Variants in NR2C2 observed in about 807,000 individuals in gnomAD.
The protein encoded by NR2C2 is nuclear receptor subfamily 2 group C member 2.
NR2C2 carries 6 observed loss-of-function variants against 62.9 expected under a neutral mutation model. That is an observed-to-expected ratio of 0.10 (90% CI 0.05 to 0.19). The LOEUF is 0.19. Ranked by LOEUF, NR2C2 falls within the 10% of genes least tolerant of loss-of-function variation. NR2C2 has a pLI of 1.00. For synonymous variants in NR2C2, 272 were observed against 273.8 expected (o/e 0.99, Z 0.07); for missense variants, 479 against 762.7 (o/e 0.63, Z 4.38).
At position 15,033,943 on chromosome 3, in the gene NR2C2, A is replaced by G. The variant is rs561006186; in HGVS notation, c.1233-727A>G. On this transcript the variant is annotated intron_variant, in intron 10 of 13. Transcript: ENST00000425241. ...CATCTGGGGCATTTGGGAATGACCC[A>G]GTGCAGTAGCCCTGGTTCTCACTGC... Among the ~76,000 whole-genome samples, 28 of 152,352 alleles carry G rather than the reference A, an allele frequency of 1.8e-4. No homozygotes were observed. The South Asian group carries it at 5.8e-3, about 32-fold the overall frequency.
At chr3:15,037,223 G>GTA (rs974506089) in intron 11 of NR2C2, among the ~76,000 whole-genome samples, 3 of 151,222 alleles carry the variant, frequency 2.0e-5, no homozygotes, top group Non-Finnish European at 4.4e-5. Flanking sequence ...GTGTGTGTGT[G>GTA]TGTGTGTGTG....
At chr3:14,959,277 A>G (rs1001447994) in intron 1 of NR2C2, 1 of 152,060 alleles carries the variant, frequency 6.6e-6, no homozygotes, top group Non-Finnish European at 1.5e-5. Context: ...ACTTCCTTAC[A>G]TTACTTGAAG....
chr3:15,037,535 T>G (rs142821175), intron 11 of NR2C2, among the ~76,000 whole-genome samples: 16 of 152,182 alleles, frequency 1.1e-4, no homozygotes, highest in Admixed American at 7.2e-4. Flanking sequence ...CTTGAGCTTA[T>G]GAATTCAAGT....
intron 1 of NR2C2, among the ~76,000 whole-genome samples, chr3:14,977,665 CAT>C (rs1458762068): frequency 6.6e-6 from 1 of 151,894 alleles, no homozygotes; most frequent in Non-Finnish European, 1.5e-5. Flanking sequence ...ATTGTTGGTC[CAT>C]ATTTAAGAGT....
chr3:14,993,885 A>G (rs1006400173), intron 1 of NR2C2, among the ~76,000 whole-genome samples: 1 of 152,330 alleles, frequency 6.6e-6, no homozygotes, highest in Middle Eastern at 3.4e-3. Flanking sequence ...GGAAGCCAAA[A>G]TCCAGGGAGT....
rs948117387 is a variant in NR2C2, at chr3:15,029,792, A to C, written c.933-483A>C. On this transcript the variant is annotated intron_variant, in intron 8 of 13. Transcript: ENST00000425241. ...CCCATCTCTGAAAAAGTAAATAAAT[A>C]ATAGATAGATAGATAGATAGATAGA... 3.6e-5 allele frequency among the ~76,000 whole-genome samples: 5 copies of C among 139,304 alleles called. 1 individual carries two copies. The South Asian group carries it at 1.2e-3, about 32-fold the overall frequency. 91.4% of individuals were successfully genotyped at this position (139,304 alleles called of 152,430 possible). A position where few individuals can be genotyped will look rare whatever the true frequency, so the allele number is the denominator to read the frequency against.
intron 4 of NR2C2, among the ~76,000 whole-genome samples, chr3:15,019,957 C>G (rs1164501842): frequency 6.6e-6 from 1 of 152,144 alleles, no homozygotes; most frequent in African/African-American, 2.4e-5. Flanking sequence ...GATGGTCACT[C>G]TATCTGATTT....
At chr3:14,991,045 G>A (rs374366363) in intron 1 of NR2C2, among the ~76,000 whole-genome samples, 1 of 152,164 alleles carries the variant, frequency 6.6e-6, no homozygotes, top group East Asian at 1.9e-4. Flanking sequence ...TAATTGTGGG[G>A]AGTGGTTGTT....
At chr3:14,977,908 C>T (rs2040252183) in intron 1 of NR2C2, among the ~76,000 whole-genome samples, 2 of 148,262 alleles carry the variant, frequency 1.3e-5, no homozygotes, top group Admixed American at 6.8e-5. Flanking sequence ...GAGATTGTAC[C>T]ACTGCACTCC....
chr3:15,023,526 C>T (rs2041735377), intron 6 of NR2C2, among the ~76,000 whole-genome samples, 179 bp downstream of exon 6: 1 of 152,158 alleles, frequency 6.6e-6, no homozygotes, highest in Non-Finnish European at 1.5e-5. Context: ...CCTGAGGATG[C>T]CTGATTTATG....
rs954141810 is a variant in NR2C2, at chr3:15,044,861, G to A, written c.*1853G>A. ...GAAGGGTTAGCAGCACTTTACGCAA[G>A]TCAGTGTTAGTAGGGTAAGTGGGAA... On this transcript the variant is annotated 3_prime_UTR_variant, in exon 14 of 14. Transcript: ENST00000425241. 3.3e-5 allele frequency: 5 copies of A among 152,368 alleles called. 1 individual carries two copies. The highest frequency in any genetic ancestry group is 7.3e-5 in the Non-Finnish European group (5 of 68,038). 9.4% of individuals were successfully genotyped at this position (152,368 alleles called of 1,614,324 possible).
intron 2 of NR2C2, among the ~76,000 whole-genome samples, chr3:15,009,696 G>C (rs1037446467): frequency 1.3e-5 from 2 of 152,176 alleles, no homozygotes; most frequent in African/African-American, 2.4e-5. Context: ...TCTTGTATTA[G>C]TTTCCCAGGG....
At chr3:15,001,318 G>GTTTTTTTTTTTTTTTTTTTTTGTTT (rs61017075) in intron 1 of NR2C2, among the ~76,000 whole-genome samples, 6 of 97,504 alleles carry the variant, frequency 6.2e-5, no homozygotes, top group East Asian at 3.1e-4. Context: ...TTTGTTTTGG[G>GTTTTTTTTTTTTTTTTTTTTTGTTT]TTTTTTTTTT....
intron 13 of NR2C2, among the ~76,000 whole-genome samples, chr3:15,041,778 G>A (rs1242669516): frequency 6.6e-6 from 1 of 152,124 alleles, no homozygotes; most frequent in African/African-American, 2.4e-5. Context: ...ACTCACTTGA[G>A]CCTGGGAGGT....
intron 10 of NR2C2, 30 bp from the exon 11 acceptor site, chr3:15,034,640 C>G (rs1376290281): frequency 6.2e-7 from 1 of 1,608,476 alleles, no homozygotes; most frequent in Non-Finnish European, 8.5e-7. Flanking sequence ...CCAACACACA[C>G]CACACTCAGA....
intron 2 of NR2C2, among the ~76,000 whole-genome samples, chr3:15,005,767 G>A (rs1034846592): frequency 6.6e-6 from 1 of 151,806 alleles, no homozygotes; most frequent in Middle Eastern, 3.4e-3. Context: ...TATGTATTGG[G>A]GTCTTGATTT....
At chr3:14,998,979 C>T (rs1338241982) in intron 1 of NR2C2, among the ~76,000 whole-genome samples, 2 of 151,926 alleles carry the variant, frequency 1.3e-5, no homozygotes, top group African/African-American at 4.8e-5. Context: ...GCATTCTGGC[C>T]TGGGCATCCA....
chr3:15,038,167 C>T (rs754642749), intron 12 of NR2C2, 30 bp downstream of exon 12: 3 of 1,588,770 alleles, frequency 1.9e-6, no homozygotes, highest in Non-Finnish European at 8.6e-7. Flanking sequence ...TGCATGACCC[C>T]TTTCCACCTG....
At chr3:15,023,986 C>G (rs150174863) in intron 6 of NR2C2, 129 bp from the exon 7 acceptor site, 2 of 676,262 alleles carry the variant, frequency 3.0e-6, no homozygotes, top group Admixed American at 2.9e-5. Context: ...CACTAAGCGG[C>G]TGAGTCTACT....
Sources: allele counts gnomAD v4.1 joint callset (sites outside exome capture counted in the v4.1 genomes callset), GRCh38; gene constraint gnomAD v4.1.1; transcripts MANE v1.5; gene names NCBI Gene and HGNC (gene_info 2026-07-23, HGNC 2026-07-21).